Variants in SUCLG2 observed in about 807,000 individuals in gnomAD.
SUCLG2 encodes succinate--CoA ligase [GDP-forming] subunit beta, mitochondrial.
In SUCLG2, 42 loss-of-function variants were observed where a neutral mutation model predicts 47.9. The observed-to-expected ratio is 0.88, with a 90% CI of 0.69 to 1.14. The LOEUF (loss-of-function observed/expected upper bound fraction) is 1.14, where lower values mean the gene tolerates loss of function less well. Ranked by LOEUF, SUCLG2 falls within the 50% of genes most tolerant of loss-of-function variation. The pLI is 0.00. For missense variants in SUCLG2, 571 were observed against 525.9 expected, an observed-to-expected ratio of 1.09 and a Z score of -0.84; for synonymous variants, 195 against 197.3, an observed-to-expected ratio of 0.99 and a Z score of 0.10.
At chr3:67,620,149 G>A (rs1019732186) in intron 1 of SUCLG2, among the ~76,000 whole-genome samples, 2 of 152,180 alleles carry the variant, frequency 1.3e-5, no homozygotes, top group Non-Finnish European at 2.9e-5. Flanking sequence ...TGACATCCAA[G>A]ATCTAGCAGT....
chr3:67,614,347 G>T (rs968568118), intron 1 of SUCLG2, among the ~76,000 whole-genome samples: 1 of 151,774 alleles, frequency 6.6e-6, no homozygotes, highest in African/African-American at 2.4e-5. Flanking sequence ...CATCTCCTCT[G>T]AAGCTCCAGG....
chr3:67,582,445 T>C (rs1189778432), intron 2 of SUCLG2, among the ~76,000 whole-genome samples: 2 of 152,222 alleles, frequency 1.3e-5, no homozygotes, highest in African/African-American at 4.8e-5. Flanking sequence ...AGAGACATGT[T>C]CTTGCTCTTT....
At chr3:67,452,882 A>T (rs1303955098) in intron 9 of SUCLG2, among the ~76,000 whole-genome samples, 1 of 152,222 alleles carries the variant, frequency 6.6e-6, no homozygotes. Flanking sequence ...GGTAACACAT[A>T]TAAGAATCTT....
chr3:67,592,544 A>G (rs1223053754), intron 2 of SUCLG2, among the ~76,000 whole-genome samples: 2 of 152,138 alleles, frequency 1.3e-5, no homozygotes, highest in African/African-American at 4.8e-5. Flanking sequence ...AGATTACAAA[A>G]GTATTCAGTG....
At chr3:67,412,321 C>G (rs1702947217) in intron 9 of SUCLG2, among the ~76,000 whole-genome samples, 1 of 152,124 alleles carries the variant, frequency 6.6e-6, no homozygotes, top group South Asian at 2.1e-4. Context: ...TTTCATGGAC[C>G]TAGTAGAGTT....
chr3:67,510,684 G>A (rs1259956094), intron 6 of SUCLG2, among the ~76,000 whole-genome samples: 3 of 152,082 alleles, frequency 2.0e-5, no homozygotes, highest in African/African-American at 7.2e-5. Context: ...ATATCTTACT[G>A]TATTGATATG....
chr3:67,552,161 A>G (rs1440077104), intron 2 of SUCLG2, among the ~76,000 whole-genome samples: 3 of 145,444 alleles, frequency 2.1e-5, no homozygotes. Flanking sequence ...CAACAGAGCA[A>G]AACTCCATCT....
rs542050626 is a variant in SUCLG2, at chr3:67,436,754, C to T, written c.1063-35903G>A. On this transcript the variant is annotated intron_variant, in intron 9 of 10. Coordinates refer to ENST00000307227, the MANE Select transcript of SUCLG2 (RefSeq NM_003848.4). ...AAAAAAATTATAAGTGATGTATGAC[C>T]ACCACACAAATTTTCAATATTATAT... is the stretch of plus-strand genomic sequence containing the variant. Among the ~76,000 whole-genome samples, 57 of 152,104 alleles carry T rather than the reference C, an allele frequency of 3.7e-4. 1 individual carries two copies. Among genetic ancestry groups the T allele is most frequent in the African/African-American group, 1.0e-3 (43 of 41,482 alleles).
At chr3:67,593,450 A>G (rs1378492710) in intron 2 of SUCLG2, among the ~76,000 whole-genome samples, 1 of 152,194 alleles carries the variant, frequency 6.6e-6, no homozygotes, top group East Asian at 1.9e-4. Context: ...GGTCTAACAC[A>G]TCCCCAATGC....
At chr3:67,526,713 T>C (rs1706266381) in intron 4 of SUCLG2, among the ~76,000 whole-genome samples, 1 of 152,202 alleles carries the variant, frequency 6.6e-6, no homozygotes, top group Admixed American at 6.5e-5. Flanking sequence ...GGCTAGAATG[T>C]GGAGAACCCT....
chr3:67,503,718 AT>A (rs1705562736), intron 7 of SUCLG2, among the ~76,000 whole-genome samples: 1 of 152,166 alleles, frequency 6.6e-6, no homozygotes, highest in Non-Finnish European at 1.5e-5. Context: ...TTATAAAACA[AT>A]TTTCACCATC....
intron 6 of SUCLG2, among the ~76,000 whole-genome samples, chr3:67,512,000 C>G (rs2107106946): frequency 6.6e-6 from 1 of 151,084 alleles, no homozygotes; most frequent in African/African-American, 2.5e-5. Flanking sequence ...CAGGCACATG[C>G]CACTAGGCTG....
intron 9 of SUCLG2, among the ~76,000 whole-genome samples, chr3:67,493,374 C>A (rs1175581383): frequency 6.6e-6 from 1 of 152,196 alleles, no homozygotes; most frequent in Non-Finnish European, 1.5e-5. Flanking sequence ...ATAACTCCCA[C>A]ATACCTTTAT....
intron 1 of SUCLG2, among the ~76,000 whole-genome samples, chr3:67,610,223 T>C (rs570347257): frequency 1.4e-4 from 21 of 152,324 alleles, no homozygotes; most frequent in African/African-American, 3.8e-4. Flanking sequence ...GGTAGGGCCA[T>C]TGTGTGTTTA....
At chr3:67,424,927 C>T (rs1703260036) in intron 9 of SUCLG2, among the ~76,000 whole-genome samples, 1 of 152,102 alleles carries the variant, frequency 6.6e-6, no homozygotes, top group Non-Finnish European at 1.5e-5. Context: ...GCTCAATCAT[C>T]CAGCCTAAAA....
intron 9 of SUCLG2, among the ~76,000 whole-genome samples, chr3:67,463,100 G>A (rs975986174): frequency 1.3e-5 from 2 of 152,202 alleles, no homozygotes; most frequent in South Asian, 2.1e-4. Context: ...GAGTGTGACC[G>A]TGTGCTGCTG....
intron 9 of SUCLG2, among the ~76,000 whole-genome samples, chr3:67,423,767 C>G (rs184040748): frequency 1.3e-5 from 2 of 152,138 alleles, no homozygotes; most frequent in African/African-American, 4.8e-5. Context: ...TCAGAATCCC[C>G]CTTAGAATGA....
chr3:67,651,573 TTA>T (rs1701286088), intron 1 of SUCLG2, among the ~76,000 whole-genome samples: 1 of 152,144 alleles, frequency 6.6e-6, no homozygotes, highest in African/African-American at 2.4e-5. Flanking sequence ...AAAACCAGCG[TTA>T]TAAGTCAGGG....
At chr3:67,470,985 G>A (rs989046327) in intron 9 of SUCLG2, among the ~76,000 whole-genome samples, 2 of 152,168 alleles carry the variant, frequency 1.3e-5, no homozygotes, top group Admixed American at 1.3e-4. Context: ...TTAACTGGGA[G>A]GGTGATGGGT....
Sources: allele counts gnomAD v4.1 joint callset (sites outside exome capture counted in the v4.1 genomes callset), GRCh38; gene constraint gnomAD v4.1.1; transcripts MANE v1.5; gene names NCBI Gene and HGNC (gene_info 2026-07-23, HGNC 2026-07-21).